Variants in GFAP observed in about 807,000 individuals in gnomAD.
GFAP encodes the protein glial fibrillary acidic protein, also known as intermediate filament protein.
GFAP carries 38 observed loss-of-function variants against 49.3 expected under a neutral mutation model. The observed-to-expected ratio is 0.77, with a 90% CI of 0.60 to 1.01. The LOEUF is 1.01. GFAP is among the 50% of genes least tolerant of loss of function. The probability of loss-of-function intolerance (pLI) is 0.00; values close to 1 mark genes in which losing one functional copy is unlikely to be tolerated. For missense variants in GFAP, 463 were observed against 579.1 expected (o/e 0.80, Z 2.06); for synonymous variants, 222 against 236.4 (o/e 0.94, Z 0.56).
At chr17:44,914,374 C>T in intron 1 of GFAP, 1 of 426,788 alleles carries the variant, frequency 2.3e-6, no homozygotes, top group South Asian at 2.7e-5. Context: ...TGCACACACA[C>T]ACACACACAC....
At chr17:44,911,090 T>C (rs1272522679) in intron 6 of GFAP, 146 bp downstream of exon 6, 10 of 739,930 alleles carry the variant, frequency 1.4e-5, no homozygotes, top group Admixed American at 1.2e-4. Flanking sequence ...CTGCCTGCTA[T>C]GTGTGAGGCA....
chr17:44,913,973 G>A, intron 2 of GFAP, 55 bp downstream of exon 2: 1 of 1,359,126 alleles, frequency 7.4e-7, no homozygotes, highest in Non-Finnish European at 1.0e-6. Context: ...GTGTTTGGGT[G>A]GGTGGCCATC....
intron 7 of GFAP, 92 bp downstream of exon 7, chr17:44,910,523 C>T: frequency 6.4e-7 from 1 of 1,553,032 alleles, no homozygotes. Context: ...TCCCTTTGCC[C>T]TGATCCTCAG....
rs762303309 is a variant in GFAP at position 44,915,139 on chromosome 17, G to A, written c.348C>T (p.Tyr116=). 2 of 1,614,110 alleles carry A rather than the reference G, an allele frequency of 1.2e-6. No individual in the cohort carries two copies. Among genetic ancestry groups the A allele is most frequent in the South Asian group, 2.2e-5 (2 of 91,078 alleles). The change falls in exon 1 of 9, where the codon TAC becomes TAT. Residue 116 remains tyrosine (Y), a synonymous_variant. Transcript: ENST00000588735. This position sits in a 1 kb window ranked among gnomAD's most constrained non-coding sequence, Gnocchi z 4.1. ...AKEPTKLADV[Y]QAELRELRLR... ...GCCGCAGCTCTCGCAGCTCAGCCTGGTAGACGTCTGCCAGCTTGGTGGGCT... is the reference window on the plus strand; with the variant it reads ...GCCGCAGCTCTCGCAGCTCAGCCTGATAGACGTCTGCCAGCTTGGTGGGCT...
chr17:44,914,101 G>A lies in GFAP; in HGVS notation c.462-13C>T, dbSNP rs1189175493. ...TTCATCCTGGAGCCTGGAGTGGGGG[G>A]ACACATTCCTGGGTCCAGGCTCTTC... On this transcript the variant is annotated splice_polypyrimidine_tract_variant and intron_variant, in intron 1 of 8. Transcript: ENST00000588735. 3 of 1,545,212 alleles carry A rather than the reference G, an allele frequency of 1.9e-6. No homozygotes were observed. The highest frequency in any genetic ancestry group is 1.2e-5 in the South Asian group (1 of 83,968).
At position 44,911,216 on chromosome 17, in the gene GFAP, G is replaced by C. The variant is rs1303112169; in HGVS notation, c.1127+20C>G. On this transcript the variant is annotated intron_variant, in intron 6 of 8. Transcript: ENST00000588735. ...TGAGGCAGCAGGGAGACTTCCCCAG[G>C]GGCTGTGATGAGGGCTCACCGGTTC... The C allele has an allele frequency of 6.2e-7, 1 of 1,606,222 alleles. No individual in the cohort carries two copies. The highest frequency in any genetic ancestry group is 1.3e-5 in the African/African-American group (1 of 74,886).
rs1394930999 is a variant in GFAP at position 44,913,632 on chromosome 17, G to C, written c.618+96C>G. On this transcript the variant is annotated intron_variant, in intron 3 of 8. Coordinates refer to ENST00000588735, the MANE Select transcript of GFAP (RefSeq NM_002055.5). ...CAATCTCTGTTTCTCTCCTCTCTCT[G>C]AGTGTCTCTCTCAGTCTCAGCTTCT... The C allele has an allele frequency of 2.8e-6, 3 of 1,087,400 alleles. No homozygotes were observed. In the South Asian group the frequency reaches 3.7e-5, roughly 14 times the overall value. 67.4% of individuals were successfully genotyped at this position (1,087,400 alleles called of 1,614,324 possible).
chr17:44,904,140 G>T lies in GFAP; in HGVS notation c.*3207C>A. 2 of 1,550,406 alleles carry T rather than the reference G, an allele frequency of 1.3e-6. No individual in the cohort carries two copies. ...GGCAGCGACATGCTGACCCGCTTCA[G>T]CATCCGCATGTTCAGCTTGTTGGTT... On this transcript the variant is annotated 3_prime_UTR_variant, in exon 9 of 9. Coordinates refer to ENST00000588735, the MANE Select transcript of GFAP (RefSeq NM_002055.5).
chr17:44,910,534 T>C, intron 7 of GFAP, 81 bp downstream of exon 7: 1 of 1,553,272 alleles, frequency 6.4e-7, no homozygotes, highest in Non-Finnish European at 8.7e-7. Context: ...TGATCCTCAG[T>C]CCCAGTCTGG....
chr17:44,913,944 C>T (rs920056947), intron 2 of GFAP, 84 bp downstream of exon 2: 30 of 1,301,420 alleles, frequency 2.3e-5, no homozygotes, highest in Admixed American at 1.2e-4. Flanking sequence ...ATTGCTCTGG[C>T]GGGCTGAGCT....
Position 44,904,786 on chromosome 17 carries a change from C to T in GFAP, c.*2561G>A, listed in dbSNP as rs1251527467. 1 of 1,550,682 alleles carries T rather than the reference C, an allele frequency of 6.4e-7. No homozygotes were observed. The highest frequency in any genetic ancestry group is 2.4e-5 in the East Asian group (1 of 40,912). ...AGTACCTGAAGGGTGTCAACAGGTC[C>T]ATGAGGGTGTTCATTGACCACGGCA... On this transcript the variant is annotated 3_prime_UTR_variant, in exon 9 of 9. Transcript: ENST00000588735.
In GFAP at chr17:44,910,604, G is replaced by A. The variant is rs1369686117; in HGVS notation, c.1171+11C>T. ...TCCAGTGCCCTTCCCACGAGGCCCT[G>A]CTGTACTGACCTCGAATCTGCAGGT... On this transcript the variant is annotated intron_variant, in intron 7 of 8. Coordinates refer to ENST00000588735, the MANE Select transcript of GFAP (RefSeq NM_002055.5). The A allele has an allele frequency of 1.3e-6, 2 of 1,572,080 alleles. No individual in the cohort carries two copies. The highest frequency in any genetic ancestry group is 1.9e-5 in the Admixed American group (1 of 52,306).
In GFAP at chr17:44,910,610, C is replaced by T. The variant is rs759032212; in HGVS notation, c.1171+5G>A. 90 of 1,574,768 alleles carry T rather than the reference C, an allele frequency of 5.7e-5. No individual in the cohort carries two copies. The highest frequency in any genetic ancestry group is 7.6e-5 in the Non-Finnish European group (88 of 1,159,468). ...GCCCTTCCCACGAGGCCCTGCTGTA[C>T]TGACCTCGAATCTGCAGGTTGGAGA... On this transcript the variant is annotated splice_donor_5th_base_variant and intron_variant, in intron 7 of 8. Transcript: ENST00000588735.
At position 44,910,494 on chromosome 17, in the gene GFAP, G is replaced by C. The variant is rs778675765; in HGVS notation, c.1171+121C>G. ...CTAGGAGCGCTGCAGTGTCACGAAG[G>C]CCCCCAGGGAGAGCTGGATCCCTTT... On this transcript the variant is annotated intron_variant, in intron 7 of 8. Coordinates refer to ENST00000588735, the MANE Select transcript of GFAP (RefSeq NM_002055.5). The C allele has an allele frequency of 6.8e-5, 105 of 1,553,116 alleles. No individual in the cohort carries two copies. In the African/African-American group the frequency reaches 1.3e-3, roughly 19 times the overall value.
In GFAP at chr17:44,913,397, G is replaced by C; in HGVS notation, c.652C>G (p.Gln218Glu). ...ACGTCAAGCTCCACATGGACCTGCTGTCGGGCCAGCTGCTCCTGGAGTTCC... is the reference window on the plus strand; with the variant it reads ...ACGTCAAGCTCCACATGGACCTGCTCTCGGGCCAGCTGCTCCTGGAGTTCC... ...VRELQEQLARQQVHVELDVAK... is the reference protein window; with the variant it reads ...VRELQEQLAREQVHVELDVAK... The change falls in exon 4 of 9, where the codon CAG becomes GAG. Residue 218 changes from glutamine to glutamate, a missense_variant. Physicochemically the swap from Gln to Glu is conservative, Grantham distance 29 (BLOSUM62 2). Around this residue, in one of 3 missense-constraint regions of GFAP, gnomAD observed 362 missense variants for 445.5 expected, o/e 0.81. Transcript: ENST00000588735. 1 of 1,614,204 alleles carries C rather than the reference G, an allele frequency of 6.2e-7. No homozygotes were observed. Among genetic ancestry groups the C allele is most frequent in the Non-Finnish European group, 8.5e-7 (1 of 1,180,042 alleles).
intron 7 of GFAP, chr17:44,910,225 C>G: frequency 6.2e-7 from 1 of 1,613,944 alleles, no homozygotes; most frequent in Non-Finnish European, 8.5e-7. Flanking sequence ...TATCTTGTGA[C>G]CTTGTGATTT....
intron 7 of GFAP, chr17:44,908,922 G>A (rs111875235): frequency 0.23 from 23,828 of 102,634 alleles, 2,305 homozygotes; most frequent in Middle Eastern, 0.31. Flanking sequence ...AGGAAGGAAG[G>A]AAGAAAGAAA....
intron 8 of GFAP, 21 bp from the exon 9 acceptor site, chr17:44,907,409 G>A: frequency 1.3e-6 from 2 of 1,580,730 alleles, no homozygotes; most frequent in Non-Finnish European, 1.7e-6. Flanking sequence ...CAGGGAACGT[G>A]CACAGTGCAA....
rs922296907 is a variant in GFAP, at chr17:44,904,297, G to A, written c.*3050C>T. ...CCACTTTCCAGGACAAGGGCCAGGA[G>A]CCCTTTGCAGATGAATACTATGGGC... On this transcript the variant is annotated 3_prime_UTR_variant, in exon 9 of 9. Transcript: ENST00000588735. 7.8e-6 allele frequency: 12 copies of A among 1,548,170 alleles called. No homozygotes were observed. The highest frequency in any genetic ancestry group is 1.0e-5 in the Non-Finnish European group (12 of 1,145,762).
Sources: allele counts gnomAD v4.1 joint callset, GRCh38; gene constraint gnomAD v4.1.1; regional missense constraint gnomAD v4.1.1; non-coding constraint Gnocchi (gnomAD v3.1); transcripts MANE v1.5; gene names NCBI Gene and HGNC (gene_info 2026-07-23, HGNC 2026-07-21).